AGO2: variants seen among roughly 807,000 people sequenced by gnomAD.
AGO2 encodes the protein protein argonaute-2.
Under a neutral mutation model 102.3 loss-of-function variants are expected in AGO2, and 5 were observed. That is an observed-to-expected ratio of 0.05 (90% CI 0.03 to 0.10). The LOEUF (loss-of-function observed/expected upper bound fraction) is 0.10. Among genes scored for constraint, AGO2 ranks in the 10% least tolerant of loss-of-function variants. The probability of loss-of-function intolerance (pLI) is 1.00; values close to 1 mark genes in which losing one functional copy is unlikely to be tolerated. For missense variants in AGO2, 541 were observed against 1,183.7 expected (o/e 0.46, Z 7.97); for synonymous variants, 449 against 473.1 (o/e 0.95, Z 0.66).
chr8:140,625,744 T>C (rs1264351161), intron 1 of AGO2, among the ~76,000 whole-genome samples: 2 of 152,200 alleles, frequency 1.3e-5, no homozygotes, highest in Admixed American at 1.3e-4. Context: ...GGCCAGGCTA[T>C]GTCCACAGGG....
rs9324524 is a variant in AGO2, at chr8:140,568,485, G to A, written c.336+4327C>T. ...AGGCGTGGCATGTCTGGCTGGCCAC[G>A]AGGATCCTGACCTGGACGGGGCCTC... On this transcript the variant is annotated intron_variant, in intron 3 of 18. Coordinates refer to ENST00000220592, the MANE Select transcript of AGO2 (RefSeq NM_012154.5). Among the ~76,000 whole-genome samples, 8 of 152,262 alleles carry A rather than the reference G, an allele frequency of 5.3e-5. No individual in the cohort carries two copies. In the East Asian group the frequency reaches 1.2e-3, roughly 22 times the overall value.
At chr8:140,641,295 AACACACACACACACAC>A in the AGO2 span, among the ~76,000 whole-genome samples, 4 of 146,872 alleles carry the variant, frequency 2.7e-5, no homozygotes, top group Non-Finnish European at 4.5e-5. Context: ...GCTGTCTCAA[AACACACACACACACAC>A]ACACACACAC....
Position 140,562,576 on chromosome 8 carries a change from A to G in AGO2, c.395T>C (p.Ile132Thr), listed in dbSNP as rs2073220770. 1 of 1,614,100 alleles carries G rather than the reference A, an allele frequency of 6.2e-7. No individual in the cohort carries two copies. Among genetic ancestry groups the G allele is most frequent in the Non-Finnish European group, 8.5e-7 (1 of 1,180,024 alleles). ...EGKDRIFKVSIKWVSCVSLQA... is the reference protein window; with the variant it reads ...EGKDRIFKVSTKWVSCVSLQA... ...CAAGCTCACGCAGGACACCCACTTGATGGACACCTTGAAGATGCGATCCTT... is the reference window on the plus strand; with the variant it reads ...CAAGCTCACGCAGGACACCCACTTGGTGGACACCTTGAAGATGCGATCCTT... The change falls in exon 4 of 19, where the codon ATC becomes ACC. Residue 132 changes from isoleucine to threonine, a missense_variant. Physicochemically the swap from Ile to Thr is moderately conservative, Grantham distance 89. Coordinates refer to ENST00000220592, the MANE Select transcript of AGO2 (RefSeq NM_012154.5).
At chr8:140,569,957 C>T (rs373726960) in intron 3 of AGO2, among the ~76,000 whole-genome samples, 1 of 152,202 alleles carries the variant, frequency 6.6e-6, no homozygotes, top group Non-Finnish European at 1.5e-5. Context: ...AACGATTCCG[C>T]TCTTACCACA....
chr8:140,602,167 C>A (rs2073942593), intron 1 of AGO2, among the ~76,000 whole-genome samples: 1 of 152,178 alleles, frequency 6.6e-6, no homozygotes. Flanking sequence ...ACATGAGGGT[C>A]CTTATTTTTT....
In AGO2 at chr8:140,522,336, G is replaced by T. The variant is rs1267720455; in HGVS notation, c.*9708C>A. On this transcript the variant is annotated 3_prime_UTR_variant, in exon 19 of 19. Transcript: ENST00000220592. ...AACTGAGGTAGATCCACATTGTAAA[G>T]AAAGCTGGGTCCCCTCCATTTTATC... 2 of 152,086 alleles carry T rather than the reference G, an allele frequency of 1.3e-5. No homozygotes were observed. The highest frequency in any genetic ancestry group is 6.5e-5 in the Admixed American group (1 of 15,270). The allele number at this position is 152,086 out of a possible 1,614,324, so 9.4% of individuals were successfully genotyped here.
At chr8:140,533,244 C>T (rs2072633711) in intron 17 of AGO2, among the ~76,000 whole-genome samples, 1 of 150,870 alleles carries the variant, frequency 6.6e-6, no homozygotes, top group Non-Finnish European at 1.5e-5. Flanking sequence ...AAAAAATTAG[C>T]CAGGCGTGGT....
In AGO2 at chr8:140,550,765, C is replaced by T. The variant is rs868404233; in HGVS notation, c.1403+538G>A. On this transcript the variant is annotated intron_variant, in intron 11 of 18. Coordinates refer to ENST00000220592, the MANE Select transcript of AGO2 (RefSeq NM_012154.5). Reference sequence around the variant, plus strand: ...CTGAGTAGCTGGGACTACAGGTGCACCACCACGCTTGGCTAATTTTTCTAT... The same window carrying T: ...CTGAGTAGCTGGGACTACAGGTGCATCACCACGCTTGGCTAATTTTTCTAT... Among the ~76,000 whole-genome samples the T allele has an allele frequency of 3.3e-5, 5 of 152,246 alleles. No homozygotes were observed. The South Asian group carries it at 1.0e-3, about 32-fold the overall frequency.
intron 16 of AGO2, among the ~76,000 whole-genome samples, chr8:140,536,897 T>C (rs2072708113): frequency 6.6e-6 from 1 of 152,236 alleles, no homozygotes; most frequent in South Asian, 2.1e-4. Flanking sequence ...CCATCCTTCC[T>C]ATGTCTTTAG....
chr8:140,555,793 A>G, intron 10 of AGO2, 103 bp downstream of exon 10: 2 of 1,444,474 alleles, frequency 1.4e-6, no homozygotes, highest in Non-Finnish European at 1.8e-6. Flanking sequence ...ATTCTCCTGC[A>G]TGGAACACAG....
upstream of AGO2, chr8:140,637,983 C>G (rs1356364966): frequency 6.6e-6 from 1 of 152,326 alleles, no homozygotes; most frequent in Non-Finnish European, 1.5e-5. Context: ...TCTGGGTCTT[C>G]TGGACCCAGT....
intron 1 of AGO2, among the ~76,000 whole-genome samples, chr8:140,616,014 G>A (rs748691534): frequency 1.3e-5 from 2 of 152,144 alleles, no homozygotes; most frequent in Admixed American, 6.5e-5. Context: ...TGTCATCAGC[G>A]AGCCCTAAGC....
At chr8:140,628,511 T>C (rs1347720395) in intron 1 of AGO2, among the ~76,000 whole-genome samples, 1 of 152,212 alleles carries the variant, frequency 6.6e-6, no homozygotes, top group Non-Finnish European at 1.5e-5. Flanking sequence ...TTCTGAGAAA[T>C]GCTCAACTCT....
At position 140,520,439 on chromosome 8, in the gene AGO2, A is replaced by G. The variant is rs2072397281; in HGVS notation, c.*11605T>C. The stretch of plus-strand genomic sequence containing the variant: ...AAACTACTTCACCTAGTAAGCTGTA[A>G]AAACAAACTAGAAAGGACCCAGCTA... On this transcript the variant is annotated 3_prime_UTR_variant, in exon 19 of 19. Transcript: ENST00000220592. 1 of 152,204 alleles carries G rather than the reference A, an allele frequency of 6.6e-6. No homozygotes were observed. The highest frequency in any genetic ancestry group is 1.5e-5 in the Non-Finnish European group (1 of 68,038). 9.4% of individuals were successfully genotyped at this position (152,204 alleles called of 1,614,324 possible).
At chr8:140,612,283 T>C (rs1335682126) in intron 1 of AGO2, among the ~76,000 whole-genome samples, 1 of 148,758 alleles carries the variant, frequency 6.7e-6, no homozygotes, top group African/African-American at 2.5e-5. Flanking sequence ...TTCAGCAGTG[T>C]TCGTGAATGG....
chr8:140,552,992 G>A (rs1055070260), intron 10 of AGO2, among the ~76,000 whole-genome samples: 5 of 152,156 alleles, frequency 3.3e-5, no homozygotes, highest in Non-Finnish European at 7.4e-5. Flanking sequence ...GGGATATTTT[G>A]TTTTTTTGCA....
At chr8:140,574,484 G>A (rs748338962) in intron 2 of AGO2, among the ~76,000 whole-genome samples, 5 of 152,102 alleles carry the variant, frequency 3.3e-5, no homozygotes, top group African/African-American at 4.8e-5. Context: ...GGCTGGTCTC[G>A]AACTCCTGGG....
chr8:140,615,722 C>T (rs1049800584), intron 1 of AGO2, among the ~76,000 whole-genome samples: 2 of 152,270 alleles, frequency 1.3e-5, no homozygotes, highest in Non-Finnish European at 2.9e-5. Context: ...GGACCACCCT[C>T]TTGCTTGCTC....
At chr8:140,587,676 G>A (rs923210420) in intron 1 of AGO2, among the ~76,000 whole-genome samples, 3 of 152,236 alleles carry the variant, frequency 2.0e-5, no homozygotes, top group Non-Finnish European at 2.9e-5. Flanking sequence ...GCCCCGACAG[G>A]TGAATAATGC....
Sources: allele counts gnomAD v4.1 joint callset (sites outside exome capture counted in the v4.1 genomes callset), GRCh38; gene constraint gnomAD v4.1.1; transcripts MANE v1.5; gene names NCBI Gene and HGNC (gene_info 2026-07-23, HGNC 2026-07-21).